CRK: variants seen among roughly 807,000 people sequenced by gnomAD.
The protein encoded by CRK is CRK proto-oncogene, adaptor protein, also known as adapter molecule crk.
In CRK, 4 loss-of-function variants were observed where a neutral mutation model predicts 29.8. The observed-to-expected ratio is 0.13, with a 90% CI of 0.07 to 0.31. The LOEUF (loss-of-function observed/expected upper bound fraction) is 0.31, where lower values mean the gene tolerates loss of function less well. Among genes scored for constraint, CRK ranks in the 10% least tolerant of loss-of-function variants. CRK has a pLI of 1.00. For missense variants in CRK, 274 were observed against 396.5 expected (o/e 0.69, Z 2.62); for synonymous variants, 153 against 164.9 (o/e 0.93, Z 0.55).
intron 1 of CRK, 57 bp downstream of exon 1, chr17:1,455,820 C>A: frequency 7.0e-7 from 1 of 1,437,982 alleles, no homozygotes; most frequent in Non-Finnish European, 9.1e-7. Context: ...GCCAGCCAGG[C>A]TGGGAGTTCC....
intron 2 of CRK, among the ~76,000 whole-genome samples, chr17:1,428,521 CTTT>C (rs754259440): frequency 1.4e-4 from 16 of 111,162 alleles, no homozygotes; most frequent in Admixed American, 4.4e-4. Flanking sequence ...CATATCAGAT[CTTT>C]TTTTTTTTTT....
At chr17:1,430,154 C>G (rs965636903) in intron 2 of CRK, among the ~76,000 whole-genome samples, 10 of 151,384 alleles carry the variant, frequency 6.6e-5, no homozygotes, top group African/African-American at 2.4e-4. Flanking sequence ...AAGTGATTCT[C>G]CTGCCTCAGC....
At chr17:1,454,726 G>A (rs2074043166) in intron 1 of CRK, among the ~76,000 whole-genome samples, 1 of 152,158 alleles carries the variant, frequency 6.6e-6, no homozygotes, top group Non-Finnish European at 1.5e-5. Flanking sequence ...TGGCAACAGC[G>A]TGAAGGCACG....
chr17:1,430,430 C>T (rs2073830719), intron 2 of CRK, among the ~76,000 whole-genome samples: 1 of 151,470 alleles, frequency 6.6e-6, no homozygotes, highest in East Asian at 2.0e-4. Flanking sequence ...GATCTTGGCT[C>T]ACTGCAAGCT....
chr17:1,435,909 G>A (rs1385803155), intron 2 of CRK, among the ~76,000 whole-genome samples: 1 of 152,140 alleles, frequency 6.6e-6, no homozygotes, highest in Non-Finnish European at 1.5e-5. Context: ...GAAGGAGGTA[G>A]GAGAGCAAGG....
At chr17:1,431,712 A>G (rs192610300) in intron 2 of CRK, among the ~76,000 whole-genome samples, 10 of 152,270 alleles carry the variant, frequency 6.6e-5, no homozygotes, top group Admixed American at 6.5e-4. Flanking sequence ...CTCAGTCACT[A>G]GAGTATCTGG....
At chr17:1,425,814 C>T (rs2073773840) in intron 2 of CRK, among the ~76,000 whole-genome samples, 1 of 152,118 alleles carries the variant, frequency 6.6e-6, no homozygotes, top group African/African-American at 2.4e-5. Flanking sequence ...CCTGAAGTCA[C>T]TGTATGGGTC....
intron 2 of CRK, among the ~76,000 whole-genome samples, chr17:1,432,248 G>A (rs1290699153): frequency 6.6e-6 from 1 of 152,096 alleles, no homozygotes; most frequent in Non-Finnish European, 1.5e-5. Context: ...CAGCACTTTG[G>A]GAGGCTGAGG....
intron 1 of CRK, among the ~76,000 whole-genome samples, chr17:1,449,476 T>C (rs759152825): frequency 5.3e-5 from 8 of 152,124 alleles, no homozygotes; most frequent in Non-Finnish European, 1.2e-4. Context: ...CCAACAACCC[T>C]ATGAGATCAG....
chr17:1,448,353 G>A (rs929970861), intron 1 of CRK, among the ~76,000 whole-genome samples: 1 of 152,066 alleles, frequency 6.6e-6, no homozygotes, highest in Non-Finnish European at 1.5e-5. Context: ...GGCTGGGCGT[G>A]GGGGTTCACG....
At chr17:1,455,308 A>G (rs2150916855) in intron 1 of CRK, among the ~76,000 whole-genome samples, 1 of 152,232 alleles carries the variant, frequency 6.6e-6, no homozygotes, top group African/African-American at 2.4e-5. Flanking sequence ...GGGGGAAGAG[A>G]ACGGTACAAA....
rs937553464 is a variant in CRK at position 1,456,164 on chromosome 17, C to T, written c.-47G>A. ...CTGGGGTGCCGCCGCCGCGCGCGCC[C>T]CTCCGGCCCCCGGCGCCCGCCGCCC... On this transcript the variant is annotated 5_prime_UTR_variant, in exon 1 of 3. Transcript: ENST00000300574. The T allele has an allele frequency of 2.5e-5, 35 of 1,402,916 alleles. No homozygotes were observed. The highest frequency in any genetic ancestry group is 2.3e-4 in the African/African-American group (15 of 65,288). The allele number at this position is 1,402,916 out of a possible 1,614,324, so 86.9% of individuals were successfully genotyped here. A position where few individuals can be genotyped will look rare whatever the true frequency, so the allele number is the denominator to read the frequency against.
chr17:1,425,018 A>T (rs2073764054), intron 2 of CRK: 1 of 151,762 alleles, frequency 6.6e-6, no homozygotes, highest in South Asian at 2.1e-4. Flanking sequence ...TGCCTCTAAA[A>T]ACAAAAAAAA....
intron 1 of CRK, among the ~76,000 whole-genome samples, chr17:1,453,590 G>C (rs953311076): frequency 6.6e-6 from 1 of 152,170 alleles, no homozygotes; most frequent in Non-Finnish European, 1.5e-5. Context: ...TGAGCTTATA[G>C]ACCCCATACT....
At chr17:1,442,602 G>C (rs1161270828) in intron 1 of CRK, among the ~76,000 whole-genome samples, 1 of 141,700 alleles carries the variant, frequency 7.1e-6, no homozygotes, top group Non-Finnish European at 1.5e-5. Flanking sequence ...GTGTGTGAAA[G>C]GGTCTTTTTT....
chr17:1,453,983 C>T (rs943023079), intron 1 of CRK, among the ~76,000 whole-genome samples: 6 of 152,112 alleles, frequency 3.9e-5, no homozygotes, highest in African/African-American at 1.4e-4. Flanking sequence ...AGTGGATCAC[C>T]TGAGATCAGG....
At chr17:1,438,039 T>A (rs2073901344) in intron 1 of CRK, among the ~76,000 whole-genome samples, 1 of 152,026 alleles carries the variant, frequency 6.6e-6, no homozygotes, top group African/African-American at 2.4e-5. Context: ...GTTCAGAAGG[T>A]GGAGAGAGCT....
chr17:1,427,519 G>A (rs1450102179), intron 2 of CRK, among the ~76,000 whole-genome samples: 1 of 151,906 alleles, frequency 6.6e-6, no homozygotes, highest in African/African-American at 2.4e-5. Flanking sequence ...TGTGAACCCA[G>A]GAGGCGGAGC....
chr17:1,449,050 TG>T, intron 1 of CRK, among the ~76,000 whole-genome samples: 1 of 152,244 alleles, frequency 6.6e-6, no homozygotes, highest in Admixed American at 6.5e-5. Flanking sequence ...AGAAGTGGCT[TG>T]GCCCAGCTGC....
Sources: allele counts gnomAD v4.1 joint callset (sites outside exome capture counted in the v4.1 genomes callset), GRCh38; gene constraint gnomAD v4.1.1; transcripts MANE v1.5; gene names NCBI Gene and HGNC (gene_info 2026-07-23, HGNC 2026-07-21).